ZNF385D: variants seen among roughly 807,000 people sequenced by gnomAD.
ZNF385D encodes the protein zinc finger protein 659.
In ZNF385D, 15 loss-of-function variants were observed where a neutral mutation model predicts 35.8. That is an observed-to-expected ratio of 0.42 (90% CI 0.28 to 0.64). The LOEUF is 0.64. Among genes scored for constraint, ZNF385D ranks in the 30% least tolerant of loss-of-function variants. ZNF385D has a pLI of 0.23. For synonymous variants in ZNF385D, 212 were observed against 186.8 expected, an observed-to-expected ratio of 1.13 and a Z score of -1.10; for missense variants, 474 against 494.6, an observed-to-expected ratio of 0.96 and a Z score of 0.39.
intron 2 of ZNF385D, among the ~76,000 whole-genome samples, chr3:22,274,260 A>C (rs890639034): frequency 1.3e-5 from 2 of 152,006 alleles, no homozygotes; most frequent in African/African-American, 4.8e-5. Flanking sequence ...CTACCTAGAT[A>C]CTAAAACTAA....
chr3:21,536,782 T>C (rs958056756), intron 3 of ZNF385D, among the ~76,000 whole-genome samples: 10 of 152,002 alleles, frequency 6.6e-5, no homozygotes, highest in Non-Finnish European at 1.5e-4. Context: ...GTGGGGATGA[T>C]GGGGTCTGAA....
chr3:21,838,772 A>G (rs1359958132), intron 3 of ZNF385D, among the ~76,000 whole-genome samples: 1 of 152,086 alleles, frequency 6.6e-6, no homozygotes, highest in Admixed American at 6.6e-5. Context: ...GCTAACTTAT[A>G]TATCATCCAG....
At chr3:21,767,377 TC>T (rs200125203) in intron 3 of ZNF385D, among the ~76,000 whole-genome samples, 2 of 120,780 alleles carry the variant, frequency 1.7e-5, no homozygotes, top group South Asian at 2.5e-4. Flanking sequence ...TTTTACTCAT[TC>T]TTTTTTTTCC....
chr3:22,206,959 A>G (rs1697198288), intron 2 of ZNF385D, among the ~76,000 whole-genome samples: 1 of 151,950 alleles, frequency 6.6e-6, no homozygotes, highest in African/African-American at 2.4e-5. Context: ...CGAAGACTAC[A>G]AAATGAAAAG....
intron 4 of ZNF385D, among the ~76,000 whole-genome samples, chr3:21,468,063 A>C (rs1379059057): frequency 6.6e-6 from 1 of 152,194 alleles, no homozygotes; most frequent in Non-Finnish European, 1.5e-5. Flanking sequence ...AGAACATAGT[A>C]ATTCCATTTC....
At chr3:21,549,852 C>G (rs2062506546) in intron 3 of ZNF385D, among the ~76,000 whole-genome samples, 1 of 152,142 alleles carries the variant, frequency 6.6e-6, no homozygotes, top group Non-Finnish European at 1.5e-5. Flanking sequence ...ATAAGTGTGT[C>G]CCTCAGAAGA....
chr3:22,058,574 G>A (rs1361384784), intron 3 of ZNF385D, among the ~76,000 whole-genome samples: 1 of 152,188 alleles, frequency 6.6e-6, no homozygotes, highest in Non-Finnish European at 1.5e-5. Context: ...TCAGGAAAAT[G>A]AGGGCTGTCA....
At chr3:22,151,816 AG>A (rs1705255376) in intron 3 of ZNF385D, among the ~76,000 whole-genome samples, 1 of 152,146 alleles carries the variant, frequency 6.6e-6, no homozygotes, top group Non-Finnish European at 1.5e-5. Flanking sequence ...TTTAACCACA[AG>A]GGCTAGAAGA....
At chr3:21,617,000 A>AC (rs2064866784) in intron 2 of ZNF385D, among the ~76,000 whole-genome samples, 1 of 152,178 alleles carries the variant, frequency 6.6e-6, no homozygotes, top group South Asian at 2.1e-4. Context: ...TGCCTAAATC[A>AC]CAAGAACACA....
Position 22,027,566 on chromosome 3 carries a change from GC to G in ZNF385D, c.325+141250del, listed in dbSNP as rs574597829. On this transcript the variant is annotated intron_variant, in intron 3 of 5. Coordinates refer to the ZNF385D transcript ENST00000494108. ...GAGACAGCTCTTGGCCTGTTACTGG[GC>G]TTTGGTGGAAACTGGACATTTGACT... is the stretch of plus-strand genomic sequence containing the variant. Among the ~76,000 whole-genome samples the G allele has an allele frequency of 7.0e-4, 107 of 152,256 alleles. 1 individual carries two copies. The highest frequency in any genetic ancestry group is 2.5e-3 in the African/African-American group (102 of 41,538).
chr3:21,994,810 A>G (rs943818058), intron 3 of ZNF385D, among the ~76,000 whole-genome samples: 1 of 152,228 alleles, frequency 6.6e-6, no homozygotes, highest in Non-Finnish European at 1.5e-5. Flanking sequence ...TGTAATATGC[A>G]TCAATAGTGT....
rs531857727 is a variant in ZNF385D at position 21,776,799 on chromosome 3, C to T, written c.326-111771G>A. On this transcript the variant is annotated intron_variant, in intron 3 of 5. Transcript: ENST00000494108. ...AAGCAAAAAGAAACATTATTCTTTA[C>T]GGCTACCAGAACTCCATGAGAAAGG... 6.0e-4 allele frequency among the ~76,000 whole-genome samples: 91 copies of T among 151,968 alleles called. 3 individuals carry two copies. Among genetic ancestry groups the T allele is most frequent in the African/African-American group, 1.9e-3 (78 of 41,500 alleles).
Position 21,499,364 on chromosome 3 carries a change from G to A in ZNF385D, c.439+11497C>T, listed in dbSNP as rs182829538. On this transcript the variant is annotated intron_variant, in intron 4 of 7. Coordinates refer to ENST00000281523, the MANE Select transcript of ZNF385D (RefSeq NM_024697.3). ...GGAGGCGGGGGCCATTATCCTAAGCGAACTAACACAGGGATGGAAAACCAA... is the reference window on the plus strand; with the variant it reads ...GGAGGCGGGGGCCATTATCCTAAGCAAACTAACACAGGGATGGAAAACCAA... Among the ~76,000 whole-genome samples the A allele has an allele frequency of 3.5e-3, 531 of 152,202 alleles. 5 individuals are homozygous for A. Among genetic ancestry groups the A allele is most frequent in the African/African-American group, 0.012 (503 of 41,536 alleles).
At chr3:22,163,936 T>G (rs1706135255) in intron 3 of ZNF385D, among the ~76,000 whole-genome samples, 1 of 152,330 alleles carries the variant, frequency 6.6e-6, no homozygotes, top group South Asian at 2.1e-4. Context: ...GATCTATTAT[T>G]TGTACAAATC....
At chr3:21,817,025 T>C (rs1292081364) in intron 3 of ZNF385D, among the ~76,000 whole-genome samples, 1 of 151,998 alleles carries the variant, frequency 6.6e-6, no homozygotes, top group Admixed American at 6.6e-5. Flanking sequence ...TCAGAAATAA[T>C]ACCACACATG....
intron 4 of ZNF385D, among the ~76,000 whole-genome samples, chr3:21,447,639 G>T (rs932501663): frequency 3.9e-5 from 6 of 152,112 alleles, no homozygotes; most frequent in Non-Finnish European, 4.4e-5. Flanking sequence ...TACTATCCAC[G>T]ATATCTAACG....
chr3:21,985,598 T>C (rs1224605429), intron 3 of ZNF385D, among the ~76,000 whole-genome samples: 2 of 140,468 alleles, frequency 1.4e-5, no homozygotes, highest in African/African-American at 5.7e-5. Context: ...TTTGCATCAA[T>C]GTTCATCAAG....
chr3:22,063,163 A>AT (rs1699773542), intron 3 of ZNF385D, among the ~76,000 whole-genome samples: 1 of 152,126 alleles, frequency 6.6e-6, no homozygotes, highest in Non-Finnish European at 1.5e-5. Context: ...ATTTTGGTTA[A>AT]TTTTTTTAAC....
chr3:22,080,039 C>A (rs1700669412), intron 3 of ZNF385D, among the ~76,000 whole-genome samples: 1 of 152,066 alleles, frequency 6.6e-6, no homozygotes, highest in African/African-American at 2.4e-5. Flanking sequence ...TCCTGGTAGA[C>A]TGCCAACCTA....
Sources: gnomAD v4.1 joint callset for allele counts (sites outside exome capture counted in the v4.1 genomes callset) on GRCh38, gnomAD v4.1.1 for gene constraint, MANE v1.5 for transcripts, NCBI Gene and HGNC (gene_info 2026-07-23, HGNC 2026-07-21) for gene names.